Variants in EXOC6B observed in about 807,000 individuals in gnomAD.
The protein encoded by EXOC6B is SEC15 homolog B.
EXOC6B carries 54 observed loss-of-function variants against 113.5 expected under a neutral mutation model. The ratio of observed to expected loss-of-function variants is 0.48; its 90% confidence interval spans 0.38 to 0.60. EXOC6B has a LOEUF of 0.60. Among genes scored for constraint, EXOC6B ranks in the 20% least tolerant of loss-of-function variants. EXOC6B has a pLI of 0.00. For missense variants in EXOC6B, 797 were observed against 977.5 expected (o/e 0.82, Z 2.46); for synonymous variants, 357 against 339.0 (o/e 1.05, Z -0.58).
intron 1 of EXOC6B, among the ~76,000 whole-genome samples, chr2:72,788,876 A>C (rs1684524266): frequency 6.6e-6 from 1 of 152,230 alleles, no homozygotes; most frequent in Non-Finnish European, 1.5e-5. Flanking sequence ...CACTGGCAGA[A>C]CCTGAGCAAA....
intron 20 of EXOC6B, among the ~76,000 whole-genome samples, chr2:72,318,964 G>T (rs1195109427): frequency 6.6e-6 from 1 of 150,710 alleles, no homozygotes; most frequent in African/African-American, 2.4e-5. Flanking sequence ...ACTGATGCAT[G>T]ATTATACTTC....
At chr2:72,270,934 C>G (rs1487025022) in intron 20 of EXOC6B, among the ~76,000 whole-genome samples, 1 of 152,130 alleles carries the variant, frequency 6.6e-6, no homozygotes, top group Non-Finnish European at 1.5e-5. Flanking sequence ...TAAATCTCTG[C>G]TCTTTGAATC....
intron 6 of EXOC6B, among the ~76,000 whole-genome samples, chr2:72,611,641 T>G (rs556373365): frequency 6.6e-6 from 1 of 152,252 alleles, no homozygotes; most frequent in South Asian, 2.1e-4. Flanking sequence ...TAGGAACACT[T>G]CATATTATCT....
chr2:72,509,427 A>G (rs999425562), intron 11 of EXOC6B, among the ~76,000 whole-genome samples: 1 of 152,254 alleles, frequency 6.6e-6, no homozygotes, highest in African/African-American at 2.4e-5. Context: ...AGAGAGTCCA[A>G]TCTCATACCC....
intron 6 of EXOC6B, among the ~76,000 whole-genome samples, chr2:72,703,996 C>T (rs1678639381): frequency 6.6e-6 from 1 of 151,954 alleles, no homozygotes; most frequent in African/African-American, 2.4e-5. Context: ...ATCTACAGAA[C>T]TCTCCACCCC....
At chr2:72,646,909 C>T (rs1464675944) in intron 6 of EXOC6B, among the ~76,000 whole-genome samples, 2 of 152,282 alleles carry the variant, frequency 1.3e-5, no homozygotes, top group East Asian at 3.9e-4. Flanking sequence ...GATGCCTTCT[C>T]TCACCACTCC....
chr2:72,703,861 G>A (rs1485494323), intron 6 of EXOC6B, among the ~76,000 whole-genome samples: 7 of 147,332 alleles, frequency 4.8e-5, no homozygotes, highest in South Asian at 2.3e-4. Context: ...CAATCATGTC[G>A]TCTGCAAACA....
chr2:72,434,419 T>C (rs1338357266), intron 18 of EXOC6B, among the ~76,000 whole-genome samples: 1 of 152,218 alleles, frequency 6.6e-6, no homozygotes, highest in African/African-American at 2.4e-5. Context: ...GTTAGCCTCA[T>C]AAAATGAGTT....
intron 11 of EXOC6B, among the ~76,000 whole-genome samples, chr2:72,500,801 G>A (rs1012124742): frequency 2.6e-5 from 4 of 152,050 alleles, no homozygotes; most frequent in Non-Finnish European, 5.9e-5. Flanking sequence ...TATAATTTTT[G>A]TTACTTGCTC....
At chr2:72,239,136 C>G (rs1682147938) in intron 20 of EXOC6B, among the ~76,000 whole-genome samples, 1 of 152,178 alleles carries the variant, frequency 6.6e-6, no homozygotes, top group South Asian at 2.1e-4. Context: ...AGCAACCTTC[C>G]CACCTTGGCC....
At chr2:72,722,441 CTGGTTTTACT>C (rs1430029305) in intron 5 of EXOC6B, among the ~76,000 whole-genome samples, 1 of 152,120 alleles carries the variant, frequency 6.6e-6, no homozygotes, top group East Asian at 1.9e-4. Context: ...AGACTAGAGA[CTGGTTTTACT>C]TGGTTTTTTT....
intron 18 of EXOC6B, among the ~76,000 whole-genome samples, chr2:72,420,599 G>A (rs910519415): frequency 6.6e-6 from 1 of 152,104 alleles, no homozygotes. Flanking sequence ...AGTATTCCAT[G>A]GTGTATATGT....
At position 72,283,295 on chromosome 2, in the gene EXOC6B, G is replaced by A. The variant is rs1004345423; in HGVS notation, c.2196+51652C>T. On this transcript the variant is annotated intron_variant, in intron 20 of 21. Transcript: ENST00000272427. ...AGATCTGTATGAGAGGAGCTTGGAA[G>A]TCACCACTCCATTCTAACAAGTAAA... Among the ~76,000 whole-genome samples, 3 of 152,126 alleles carry A rather than the reference G, an allele frequency of 2.0e-5. No homozygotes were observed. The East Asian group carries it at 5.8e-4, about 29-fold the overall frequency.
At chr2:72,689,772 T>A (rs1303428989) in intron 6 of EXOC6B, among the ~76,000 whole-genome samples, 1 of 152,226 alleles carries the variant, frequency 6.6e-6, no homozygotes, top group African/African-American at 2.4e-5. Context: ...AACTTTCCCA[T>A]GAGTCCATAA....
chr2:72,807,968 T>G (rs950610157), intron 1 of EXOC6B, among the ~76,000 whole-genome samples: 9 of 152,252 alleles, frequency 5.9e-5, no homozygotes, highest in Admixed American at 5.2e-4. Flanking sequence ...CTGGATTGTC[T>G]GTAACACAAA....
Position 72,825,949 on chromosome 2 carries a change from T to A in EXOC6B, c.-39A>T. The stretch of plus-strand genomic sequence containing the variant: ...CCCGCAGCGCGTCCCCTCCGTCGGC[T>A]CGGCTCACCTTTTCCCTGCCCCACA... On this transcript the variant is annotated 5_prime_UTR_variant, in exon 1 of 22. Transcript: ENST00000272427. This position sits in a 1 kb window ranked among gnomAD's most constrained non-coding sequence, Gnocchi z 4.4. 6.2e-7 allele frequency: 1 copy of A among 1,605,222 alleles called. No individual in the cohort carries two copies. Among genetic ancestry groups the A allele is most frequent in the Non-Finnish European group, 8.5e-7 (1 of 1,178,248 alleles).
intron 1 of EXOC6B, among the ~76,000 whole-genome samples, chr2:72,794,281 A>C (rs1684830340): frequency 6.6e-6 from 1 of 152,196 alleles, no homozygotes; most frequent in Non-Finnish European, 1.5e-5. Flanking sequence ...TCCAACTGGC[A>C]GTCACATGGA....
At chr2:72,342,729 C>T (rs1689102952) in intron 19 of EXOC6B, among the ~76,000 whole-genome samples, 1 of 152,022 alleles carries the variant, frequency 6.6e-6, no homozygotes, top group Admixed American at 6.6e-5. Flanking sequence ...AGGCCAAGAC[C>T]AGCCTGGGCA....
chr2:72,685,961 T>C lies in EXOC6B; in HGVS notation c.669+32142A>G, dbSNP rs377149940. On this transcript the variant is annotated intron_variant, in intron 6 of 21. Transcript: ENST00000272427. ...ATTTTTTTGAAGGGGTTTATTTATA[T>C]GTGACAAAGCCTACAAGACAGAACT... Among the ~76,000 whole-genome samples the C allele has an allele frequency of 1.5e-4, 23 of 152,314 alleles. 2 individuals are homozygous for C. The highest frequency in any genetic ancestry group is 4.6e-4 in the African/African-American group (19 of 41,580).
Sources: allele counts gnomAD v4.1 joint callset (sites outside exome capture counted in the v4.1 genomes callset), GRCh38; gene constraint gnomAD v4.1.1; non-coding constraint Gnocchi (gnomAD v3.1); transcripts MANE v1.5; gene names NCBI Gene and HGNC (gene_info 2026-07-23, HGNC 2026-07-21).